The following RIPOR2 variants were observed in gnomAD, a reference collection of about 807,000 sequenced individuals.
RIPOR2 encodes rho family-interacting cell polarization regulator 2.
Under a neutral mutation model 114.5 loss-of-function variants are expected in RIPOR2, and 39 were observed. The observed-to-expected ratio is 0.34, with a 90% CI of 0.26 to 0.44. The LOEUF is 0.44. Ranked by LOEUF, RIPOR2 falls within the 20% of genes least tolerant of loss-of-function variation. RIPOR2 has a pLI of 1.00. For missense variants in RIPOR2, 1,007 were observed against 1,255.1 expected (o/e 0.80, Z 2.99); for synonymous variants, 445 against 484.4 (o/e 0.92, Z 1.07).
chr6:24,870,390 G>A (rs1437064517), intron 5 of RIPOR2, among the ~76,000 whole-genome samples: 3 of 152,164 alleles, frequency 2.0e-5, no homozygotes, highest in African/African-American at 7.2e-5. Context: ...CACAGTACTT[G>A]TTCATTATCC....
chr6:24,811,668 T>TCTC (rs1296941923), intron 20 of RIPOR2, among the ~76,000 whole-genome samples: 1 of 7,894 alleles, frequency 1.3e-4, no homozygotes, highest in Non-Finnish European at 8.4e-4. Flanking sequence ...TTTTTTTTTT[T>TCTC]TTTTTTTCTT....
At chr6:24,851,618 T>C (rs1762927559) in intron 9 of RIPOR2, among the ~76,000 whole-genome samples, 1 of 152,190 alleles carries the variant, frequency 6.6e-6, no homozygotes, top group African/African-American at 2.4e-5. Context: ...AGTTTCCTTT[T>C]GAAGAGGGAA....
At chr6:24,972,070 T>C (rs1245882003) in intron 1 of RIPOR2, among the ~76,000 whole-genome samples, 2 of 152,222 alleles carry the variant, frequency 1.3e-5, no homozygotes, top group African/African-American at 4.8e-5. Context: ...AGCTACACAA[T>C]TATCTTTACT....
chr6:24,840,261 C>G lies in RIPOR2; in HGVS notation c.1858-989G>C, dbSNP rs1265143795. On this transcript the variant is annotated intron_variant, in intron 13 of 21. Transcript: ENST00000643898. ...ACCTGCTCACAGCATATAATTTTTC[C>G]TCTGAGGACTGAGGAAAGAATGAAT... is the stretch of plus-strand genomic sequence containing the variant. 3.9e-6 allele frequency: 4 copies of G among 1,018,682 alleles called. No homozygotes were observed. The African/African-American group carries it at 6.9e-5, about 18-fold the overall frequency. The allele number at this position is 1,018,682 out of a possible 1,614,324, so 63.1% of individuals were successfully genotyped here. A position where few individuals can be genotyped will look rare whatever the true frequency, so the allele number is the denominator to read the frequency against.
rs1370850284 is a variant in RIPOR2, at chr6:24,825,219, G to A, written c.2868+7C>T. 2.6e-6 allele frequency: 4 copies of A among 1,548,150 alleles called. No homozygotes were observed. In the South Asian group the frequency reaches 4.8e-5, roughly 18 times the overall value. The stretch of plus-strand genomic sequence containing the variant: ...TCTGGCTTGATGGCCATGGTTTAGT[G>A]TCTTACCTTTTCCCTGAAATGCTGA... On this transcript the variant is annotated splice_region_variant and intron_variant, in intron 19 of 21. Transcript: ENST00000643898.
chr6:24,835,046 G>A (rs1344288882), intron 15 of RIPOR2, among the ~76,000 whole-genome samples: 5 of 152,206 alleles, frequency 3.3e-5, no homozygotes, highest in Non-Finnish European at 7.3e-5. Context: ...GTAGATGCTT[G>A]AGGAAAAATG....
chr6:24,949,374 C>T (rs1772628236), intron 1 of RIPOR2, among the ~76,000 whole-genome samples: 2 of 152,202 alleles, frequency 1.3e-5, no homozygotes, highest in Admixed American at 6.5e-5. Flanking sequence ...GGTGTTTTTA[C>T]AGCAGATTTT....
At chr6:24,959,956 TAA>T (rs1773228859) in intron 1 of RIPOR2, among the ~76,000 whole-genome samples, 1 of 152,218 alleles carries the variant, frequency 6.6e-6, no homozygotes, top group Admixed American at 6.5e-5. Flanking sequence ...AAAATGTGTC[TAA>T]ATTTCCTATA....
chr6:24,922,612 C>T (rs1180342376), intron 1 of RIPOR2, among the ~76,000 whole-genome samples: 1 of 151,938 alleles, frequency 6.6e-6, no homozygotes, highest in African/African-American at 2.4e-5. Context: ...GTAATCCCAG[C>T]ACTTTGGGAG....
At chr6:24,893,744 C>T (rs954600531) in intron 1 of RIPOR2, among the ~76,000 whole-genome samples, 2 of 152,140 alleles carry the variant, frequency 1.3e-5, no homozygotes, top group Admixed American at 1.3e-4. Context: ...TGGATATGAC[C>T]CAGATCAACA....
chr6:25,021,159 A>G (rs1776300720), intron 1 of RIPOR2, among the ~76,000 whole-genome samples: 1 of 152,136 alleles, frequency 6.6e-6, no homozygotes, highest in Admixed American at 6.6e-5. Context: ...GCATCCAGCT[A>G]GTTTAATCTT....
At chr6:24,956,019 A>T (rs1233605788) in intron 1 of RIPOR2, among the ~76,000 whole-genome samples, 1 of 152,002 alleles carries the variant, frequency 6.6e-6, no homozygotes, top group African/African-American at 2.4e-5. Flanking sequence ...CAAAAAAAAA[A>T]AAAAAAAAAT....
intron 1 of RIPOR2, among the ~76,000 whole-genome samples, chr6:24,963,541 A>G (rs1773397266): frequency 1.3e-5 from 2 of 152,256 alleles, no homozygotes; most frequent in South Asian, 2.1e-4. Context: ...GGACACATAT[A>G]TGTACATAAG....
intron 1 of RIPOR2, among the ~76,000 whole-genome samples, chr6:24,903,155 T>C (rs900087071): frequency 6.6e-6 from 1 of 152,122 alleles, no homozygotes; most frequent in Non-Finnish European, 1.5e-5. Flanking sequence ...TCATCTCAGG[T>C]CTCTCTATGT....
At chr6:24,974,379 A>AC (rs540313922) in intron 1 of RIPOR2, among the ~76,000 whole-genome samples, 16 of 130,928 alleles carry the variant, frequency 1.2e-4, no homozygotes, top group African/African-American at 6.2e-4. Flanking sequence ...TCAAAACCAA[A>AC]AAACAAACAA....
chr6:24,930,408 T>C (rs1336136275), intron 1 of RIPOR2, among the ~76,000 whole-genome samples: 4 of 152,216 alleles, frequency 2.6e-5, no homozygotes, highest in Non-Finnish European at 5.9e-5. Context: ...GTTTTACTTG[T>C]AGTTTTGGGC....
intron 1 of RIPOR2, among the ~76,000 whole-genome samples, chr6:24,943,766 G>T (rs909604812): frequency 2.6e-5 from 4 of 152,092 alleles, no homozygotes; most frequent in Admixed American, 6.6e-5. Flanking sequence ...TATTGGAATG[G>T]TTGCAGAATG....
intron 1 of RIPOR2, among the ~76,000 whole-genome samples, chr6:24,926,963 TACCACC>T (rs112559389): frequency 4.8e-5 from 5 of 105,112 alleles, no homozygotes; most frequent in Non-Finnish European, 7.3e-5. Flanking sequence ...ATCATCTCAC[TACCACC>T]ACCACCACCA....
rs1236292047 is a variant in RIPOR2, at chr6:25,015,889, T to G, written c.76+25962A>C. 8.7e-3 allele frequency: 142 copies of G among 16,236 alleles called. 3 individuals carry two copies. The highest frequency in any genetic ancestry group is 0.032 in the African/African-American group (134 of 4,206). 1.0% of individuals were successfully genotyped at this position (16,236 alleles called of 1,614,324 possible). ...GAAAGCCTCCCCTTAAAAACGCAGGTTTTTTGGTTTTTTTTTTTTTTTTTT... is the reference window on the plus strand; with the variant it reads ...GAAAGCCTCCCCTTAAAAACGCAGGGTTTTTGGTTTTTTTTTTTTTTTTTT... On this transcript the variant is annotated intron_variant, in intron 1 of 13. Transcript: ENST00000510784.
Sources: gnomAD v4.1 joint callset for allele counts (sites outside exome capture counted in the v4.1 genomes callset) on GRCh38, gnomAD v4.1.1 for gene constraint, MANE v1.5 for transcripts, NCBI Gene and HGNC (gene_info 2026-07-23, HGNC 2026-07-21) for gene names.